Variants in PIK3C3 observed in about 807,000 individuals in gnomAD.
The protein encoded by PIK3C3 is PI3-kinase type 3.
A neutral mutation model predicts 126.1 loss-of-function variants in PIK3C3; 95 were observed. The observed-to-expected ratio is 0.75, with a 90% CI of 0.64 to 0.89. PIK3C3 has a LOEUF of 0.89. Ranked by LOEUF, PIK3C3 falls within the 40% of genes least tolerant of loss-of-function variation. The pLI, the probability that PIK3C3 is intolerant of heterozygous loss-of-function variation, is 0.00. For synonymous variants in PIK3C3, 374 were observed against 360.0 expected, an observed-to-expected ratio of 1.04 and a Z score of -0.44; for missense variants, 829 against 1,063.2, an observed-to-expected ratio of 0.78 and a Z score of 3.06.
At chr18:41,969,429 C>CTAA (rs1980542530) in intron 3 of PIK3C3, among the ~76,000 whole-genome samples, 1 of 152,166 alleles carries the variant, frequency 6.6e-6, no homozygotes, top group South Asian at 2.1e-4. Context: ...ACATAGTTAT[C>CTAA]TAAAGCTCTT....
chr18:42,044,137 G>A (rs1598926438), intron 20 of PIK3C3, among the ~76,000 whole-genome samples: 1 of 152,060 alleles, frequency 6.6e-6, no homozygotes, highest in East Asian at 1.9e-4. Context: ...AGTAGACCAT[G>A]GGAAAAGTTT....
chr18:42,045,722 A>G (rs953746012), intron 20 of PIK3C3, among the ~76,000 whole-genome samples: 9 of 152,234 alleles, frequency 5.9e-5, no homozygotes, highest in Non-Finnish European at 1.2e-4. Flanking sequence ...GAATATATAT[A>G]GATCCAAGCT....
At chr18:42,043,385 C>T (rs1360410370) in intron 19 of PIK3C3, among the ~76,000 whole-genome samples, 1 of 152,176 alleles carries the variant, frequency 6.6e-6, no homozygotes, top group African/African-American at 2.4e-5. Context: ...GCCACCACAT[C>T]TGGCCAGGAT....
intron 4 of PIK3C3, among the ~76,000 whole-genome samples, chr18:41,981,038 A>G (rs192222939): frequency 6.6e-6 from 1 of 152,336 alleles, no homozygotes; most frequent in African/African-American, 2.4e-5. Flanking sequence ...ATCACCAAAT[A>G]TACCTCCTAG....
intron 22 of PIK3C3, 99 bp downstream of exon 22, chr18:42,058,150 A>C: frequency 1.1e-6 from 1 of 944,116 alleles, no homozygotes; most frequent in Non-Finnish European, 1.5e-6. Flanking sequence ...AGCATTGATC[A>C]CTTTTTCAAA....
intron 3 of PIK3C3, among the ~76,000 whole-genome samples, chr18:41,969,220 G>A (rs1980529232): frequency 6.6e-6 from 1 of 151,572 alleles, no homozygotes; most frequent in Non-Finnish European, 1.5e-5. Context: ...TCTTTCTATT[G>A]TAATTTCTAT....
chr18:42,004,206 T>A, intron 9 of PIK3C3, 150 bp from the exon 10 acceptor site: 1 of 599,148 alleles, frequency 1.7e-6, no homozygotes. Context: ...TTCTATAAGA[T>A]CATATATATA....
intron 2 of PIK3C3, among the ~76,000 whole-genome samples, chr18:41,958,936 TGTAA>T (rs1203446668): frequency 6.6e-6 from 1 of 152,190 alleles, no homozygotes; most frequent in Non-Finnish European, 1.5e-5. Flanking sequence ...ACACCTTAAC[TGTAA>T]GTATTTCTGT....
intron 9 of PIK3C3, among the ~76,000 whole-genome samples, chr18:42,003,542 G>T (rs1314837974): frequency 6.6e-6 from 1 of 152,168 alleles, no homozygotes; most frequent in Non-Finnish European, 1.5e-5. Context: ...ATCTGAAAGT[G>T]CTGGGATTAC....
chr18:42,061,028 T>G (rs886802183), intron 22 of PIK3C3, among the ~76,000 whole-genome samples: 14 of 152,210 alleles, frequency 9.2e-5, no homozygotes, highest in Admixed American at 9.2e-4. Flanking sequence ...CTCAATGTAG[T>G]TAATGGATTT....
intron 12 of PIK3C3, among the ~76,000 whole-genome samples, chr18:42,016,238 CTT>C (rs1445956590): frequency 3.3e-5 from 5 of 152,094 alleles, no homozygotes; most frequent in Non-Finnish European, 5.9e-5. Flanking sequence ...CTGAATGAAT[CTT>C]TTAACTATTA....
chr18:42,061,433 A>C (rs1985309782), intron 22 of PIK3C3, among the ~76,000 whole-genome samples: 2 of 152,146 alleles, frequency 1.3e-5, no homozygotes, highest in South Asian at 4.1e-4. Flanking sequence ...AAATACAAAA[A>C]TTAGCCTGGC....
At chr18:41,968,330 C>T (rs1322015112) in intron 3 of PIK3C3, among the ~76,000 whole-genome samples, 1 of 152,142 alleles carries the variant, frequency 6.6e-6, no homozygotes, top group Non-Finnish European at 1.5e-5. Context: ...TCCTTAGAGA[C>T]TGCTCTAAGC....
rs371758219 is a variant in PIK3C3, at chr18:41,955,245, C to T, written c.-47C>T. Reference sequence around the variant, plus strand: ...CAGCTGGTTCATTTATGTTGTTTTTCCTGTACCTAAGTTCCCGCTGTAGGT... The same window carrying T: ...CAGCTGGTTCATTTATGTTGTTTTTTCTGTACCTAAGTTCCCGCTGTAGGT... On this transcript the variant is annotated 5_prime_UTR_variant, in exon 1 of 25. Transcript: ENST00000262039. The T allele has an allele frequency of 3.3e-6, 5 of 1,519,792 alleles. No homozygotes were observed. The highest frequency in any genetic ancestry group is 4.5e-6 in the Non-Finnish European group (5 of 1,101,090). The allele number at this position is 1,519,792 out of a possible 1,614,324, so 94.1% of individuals were successfully genotyped here.
intron 13 of PIK3C3, among the ~76,000 whole-genome samples, chr18:42,020,954 G>A (rs1983295868): frequency 6.6e-6 from 1 of 152,130 alleles, no homozygotes; most frequent in African/African-American, 2.4e-5. Context: ...AGGGTAATGG[G>A]TACTTTCAGT....
intron 4 of PIK3C3, 44 bp downstream of exon 4, chr18:41,970,500 T>A (rs755042484): frequency 9.6e-6 from 15 of 1,569,190 alleles, no homozygotes; most frequent in Non-Finnish European, 1.3e-5. Flanking sequence ...CTGACTGATG[T>A]CTATTGTAGT....
Position 41,957,897 on chromosome 18 carries a change from A to G in PIK3C3, c.257+139A>G, listed in dbSNP as rs968322294. The G allele has an allele frequency of 1.2e-5, 7 of 586,712 alleles. No individual in the cohort carries two copies. In the African/African-American group the frequency reaches 1.3e-4, roughly 11 times the overall value. 36.3% of individuals were successfully genotyped at this position (586,712 alleles called of 1,614,324 possible). On this transcript the variant is annotated intron_variant, in intron 2 of 24. Transcript: ENST00000262039. Reference sequence around the variant, plus strand: ...TGATCAAATCATTTGAAGTAGAAACATACTCAGATAAAGTATTATGCATGT... The same window carrying G: ...TGATCAAATCATTTGAAGTAGAAACGTACTCAGATAAAGTATTATGCATGT...
intron 15 of PIK3C3, among the ~76,000 whole-genome samples, chr18:42,031,789 A>T (rs1228871193): frequency 6.6e-6 from 1 of 152,142 alleles, no homozygotes; most frequent in Non-Finnish European, 1.5e-5. Flanking sequence ...TTTTCACTTT[A>T]TGATTTTTTA....
intron 13 of PIK3C3, among the ~76,000 whole-genome samples, chr18:42,021,289 T>C (rs1441892037): frequency 6.6e-6 from 1 of 152,192 alleles, no homozygotes; most frequent in East Asian, 1.9e-4. Flanking sequence ...AACAATGTCC[T>C]GAGTCACTTG....
Sources: gnomAD v4.1 joint callset for allele counts (sites outside exome capture counted in the v4.1 genomes callset) on GRCh38, gnomAD v4.1.1 for gene constraint, MANE v1.5 for transcripts, NCBI Gene and HGNC (gene_info 2026-07-23, HGNC 2026-07-21) for gene names.